Variants in XPO4 observed in about 807,000 individuals in gnomAD.
XPO4 encodes exportin 4, also known as exportin-4.
XPO4 carries 39 observed loss-of-function variants against 143.0 expected under a neutral mutation model. That is an observed-to-expected ratio of 0.27 (90% CI 0.21 to 0.36). XPO4 has a LOEUF of 0.36. Among genes scored for constraint, XPO4 ranks in the 10% least tolerant of loss-of-function variants. The pLI is 1.00. For missense variants in XPO4, 907 were observed against 1,348.0 expected (o/e 0.67, Z 5.12); for synonymous variants, 439 against 474.0 (o/e 0.93, Z 0.96).
chr13:20,848,904 G>A (rs1025932771), intron 4 of XPO4: 30 of 985,342 alleles, frequency 3.0e-5, no homozygotes, highest in Middle Eastern at 5.2e-4. Flanking sequence ...TTTCATTGAA[G>A]TACTGAAAAT....
At chr13:20,891,130 A>G (rs1224716992) in intron 1 of XPO4, among the ~76,000 whole-genome samples, 1 of 130,202 alleles carries the variant, frequency 7.7e-6, no homozygotes, top group African/African-American at 2.6e-5. Context: ...TTTAAAAAAA[A>G]AAAAAAAAAA....
At chr13:20,878,741 C>G (rs1247580234) in intron 1 of XPO4, among the ~76,000 whole-genome samples, 1 of 152,156 alleles carries the variant, frequency 6.6e-6, no homozygotes, top group Non-Finnish European at 1.5e-5. Flanking sequence ...GTCTACAGGA[C>G]TCAAAGGGGG....
intron 2 of XPO4, chr13:20,866,224 A>C (rs1478397992): frequency 1.0e-6 from 1 of 985,232 alleles, no homozygotes; most frequent in Non-Finnish European, 1.2e-6. Flanking sequence ...AGCATGCCAC[A>C]TGCATGCACA....
intron 1 of XPO4, among the ~76,000 whole-genome samples, chr13:20,870,996 T>A (rs1477923754): frequency 6.6e-6 from 1 of 151,948 alleles, no homozygotes; most frequent in Non-Finnish European, 1.5e-5. Flanking sequence ...TTTGTAGAGA[T>A]GGGGTCTCAC....
At chr13:20,831,802 T>C (rs1040442885) in intron 6 of XPO4, among the ~76,000 whole-genome samples, 4 of 127,684 alleles carry the variant, frequency 3.1e-5, no homozygotes, top group African/African-American at 1.2e-4. Flanking sequence ...TTTAGTACAG[T>C]GATTTTTTTT....
At chr13:20,808,887 GC>G (rs2137889016) in intron 11 of XPO4, among the ~76,000 whole-genome samples, 195 bp downstream of exon 11, 1 of 152,248 alleles carries the variant, frequency 6.6e-6, no homozygotes, top group East Asian at 1.9e-4. Flanking sequence ...TAATCTCTCT[GC>G]CATCTATGCT....
At chr13:20,796,661 ATTAT>A in intron 17 of XPO4, 99 bp downstream of exon 17, 5 of 906,962 alleles carry the variant, frequency 5.5e-6, no homozygotes, top group Non-Finnish European at 7.4e-6. Context: ...GAATAAAAAT[ATTAT>A]TTAAGATAAT....
intron 4 of XPO4, among the ~76,000 whole-genome samples, chr13:20,846,041 T>C (rs924435489): frequency 3.3e-5 from 5 of 152,192 alleles, no homozygotes; most frequent in African/African-American, 1.2e-4. Context: ...AAAAACAGAA[T>C]TGACACATAA....
chr13:20,861,934 G>A (rs780773715), intron 3 of XPO4, among the ~76,000 whole-genome samples: 40 of 151,816 alleles, frequency 2.6e-4, no homozygotes, highest in African/African-American at 9.0e-4. Flanking sequence ...GACTAGAGGC[G>A]TGTGCCACCA....
intron 4 of XPO4, among the ~76,000 whole-genome samples, chr13:20,855,408 T>C (rs1373625945): frequency 6.8e-6 from 1 of 147,024 alleles, no homozygotes; most frequent in Non-Finnish European, 1.5e-5. Context: ...TGAGCCAAGA[T>C]CATGCCATTG....
At chr13:20,893,858 TTTTGAAACAGA>T (rs1399252300) in intron 1 of XPO4, among the ~76,000 whole-genome samples, 4 of 152,140 alleles carry the variant, frequency 2.6e-5, no homozygotes, top group African/African-American at 9.7e-5. Flanking sequence ...TTTGTTTTGT[TTTTGAAACAGA>T]GTTCGCTCTT....
chr13:20,803,385 G>C lies in XPO4; in HGVS notation c.1818-2395C>G, dbSNP rs1316132679. Reference sequence around the variant, plus strand: ...TTCAGAGGTAGAAGTGAAAACTTTGGCCTTTCTTTTGTAAAGTGGAAGAAA... The same window carrying C: ...TTCAGAGGTAGAAGTGAAAACTTTGCCCTTTCTTTTGTAAAGTGGAAGAAA... On this transcript the variant is annotated intron_variant, in intron 13 of 22. Coordinates refer to ENST00000255305, the MANE Select transcript of XPO4 (RefSeq NM_022459.5). The surrounding 1 kb of genome is among the most constrained non-coding windows in gnomAD (Gnocchi z 4.1). Among the ~76,000 whole-genome samples, 1 of 152,110 alleles carries C rather than the reference G, an allele frequency of 6.6e-6. No homozygotes were observed. Among genetic ancestry groups the C allele is most frequent in the Non-Finnish European group, 1.5e-5 (1 of 68,026 alleles).
chr13:20,791,123 A>C (rs1315121009), intron 18 of XPO4, among the ~76,000 whole-genome samples: 1 of 151,804 alleles, frequency 6.6e-6, no homozygotes, highest in Admixed American at 6.6e-5. Context: ...ATATATATAT[A>C]TAAATTAATG....
At chr13:20,836,516 C>T (rs746072818) in intron 6 of XPO4, among the ~76,000 whole-genome samples, 1 of 152,140 alleles carries the variant, frequency 6.6e-6, no homozygotes, top group Non-Finnish European at 1.5e-5. Flanking sequence ...CCTTCTTGGA[C>T]CACCTCTCCT....
chr13:20,824,378 G>A (rs555209004), intron 7 of XPO4, among the ~76,000 whole-genome samples: 2 of 152,212 alleles, frequency 1.3e-5, no homozygotes, highest in Admixed American at 6.5e-5. Flanking sequence ...TGTAATCTGG[G>A]ACAATAAGAA....
chr13:20,801,401 TTG>T (rs2137850767), intron 13 of XPO4, among the ~76,000 whole-genome samples: 1 of 152,332 alleles, frequency 6.6e-6, no homozygotes, highest in Non-Finnish European at 1.5e-5. Flanking sequence ...TTAGTATAGT[TTG>T]TGTTTTTATA....
At chr13:20,789,395 C>CTTT (rs35527944) in intron 19 of XPO4, among the ~76,000 whole-genome samples, 9 of 134,814 alleles carry the variant, frequency 6.7e-5, no homozygotes, top group East Asian at 2.2e-4. Context: ...TCAGCCTCTA[C>CTTT]TTTTTTTTTT....
In XPO4 at chr13:20,778,553, A is replaced by T. The variant is rs1274430139; in HGVS notation, c.*5169T>A. On this transcript the variant is annotated 3_prime_UTR_variant, in exon 23 of 23. Coordinates refer to ENST00000255305, the MANE Select transcript of XPO4 (RefSeq NM_022459.5). ...AGTATTTACTAAATATGCACCAAAG[A>T]TAATGACTTAACTAGTAACTGTGAA... The T allele has an allele frequency of 6.6e-6, 1 of 152,224 alleles. No homozygotes were observed. Among genetic ancestry groups the T allele is most frequent in the African/African-American group, 2.4e-5 (1 of 41,468 alleles). 9.4% of individuals were successfully genotyped at this position (152,224 alleles called of 1,614,324 possible). A position where few individuals can be genotyped will look rare whatever the true frequency, so the allele number is the denominator to read the frequency against.
chr13:20,888,824 G>A (rs1413140222), intron 1 of XPO4, among the ~76,000 whole-genome samples: 1 of 147,996 alleles, frequency 6.8e-6, no homozygotes, highest in Non-Finnish European at 1.5e-5. Flanking sequence ...TTTTTTTTGA[G>A]ACAGTTTCGC....
Sources: allele counts gnomAD v4.1 joint callset (sites outside exome capture counted in the v4.1 genomes callset), GRCh38; gene constraint gnomAD v4.1.1; non-coding constraint Gnocchi (gnomAD v3.1); transcripts MANE v1.5; gene names NCBI Gene and HGNC (gene_info 2026-07-23, HGNC 2026-07-21).